Variants in BCL9 observed in about 807,000 individuals in gnomAD.
BCL9 encodes B-cell CLL/lymphoma 9 protein.
Under a neutral mutation model 88.5 loss-of-function variants are expected in BCL9, and 25 were observed. The observed-to-expected ratio is 0.28, with a 90% confidence interval of 0.21 to 0.39. BCL9 has a LOEUF of 0.39. BCL9 is among the 10% of genes least tolerant of loss of function. The probability of loss-of-function intolerance (pLI) is 1.00; values close to 1 mark genes in which losing one functional copy is unlikely to be tolerated. For missense variants in BCL9, 1,817 were observed against 1,877.8 expected, an observed-to-expected ratio of 0.97 and a Z score of 0.60; for synonymous variants, 711 against 673.3, an observed-to-expected ratio of 1.06 and a Z score of -0.87.
chr1:147,612,861 CT>C (rs1406565950), intron 4 of BCL9, 21 bp from the exon 5 acceptor site: 2 of 1,610,756 alleles, frequency 1.2e-6, no homozygotes, highest in African/African-American at 1.3e-5. Flanking sequence ...TCTGATCTTC[CT>C]TTGTTATTTG....
intron 1 of BCL9, among the ~76,000 whole-genome samples, chr1:147,572,370 C>T (rs1439749092): frequency 6.6e-6 from 1 of 152,246 alleles, no homozygotes; most frequent in Non-Finnish European, 1.5e-5. Flanking sequence ...AGGCATGGAG[C>T]AGGCTTTCTC....
chr1:147,549,307 C>T (rs1217504569), intron 1 of BCL9, among the ~76,000 whole-genome samples: 4 of 152,108 alleles, frequency 2.6e-5, no homozygotes, highest in Non-Finnish European at 5.9e-5. Context: ...AGCTTTTTCC[C>T]CCTAAAGCTT....
intron 1 of BCL9, among the ~76,000 whole-genome samples, chr1:147,544,989 T>G (rs1553194110): frequency 2.0e-5 from 3 of 152,174 alleles, no homozygotes; most frequent in African/African-American, 7.2e-5. Flanking sequence ...CTCAGTGGAG[T>G]GTTGTCTTCA....
At chr1:147,600,515 G>T (rs1017426311) in intron 1 of BCL9, among the ~76,000 whole-genome samples, 6 of 151,000 alleles carry the variant, frequency 4.0e-5, no homozygotes, top group Non-Finnish European at 8.9e-5. Flanking sequence ...AGTGAGGCGA[G>T]TCTGGAGGAA....
intron 1 of BCL9, among the ~76,000 whole-genome samples, chr1:147,553,960 A>T (rs1464067162): frequency 6.6e-6 from 1 of 152,172 alleles, no homozygotes. Flanking sequence ...GCTCATACTC[A>T]CTGATGGGCT....
In BCL9 at chr1:147,615,462, C is replaced by T. The variant is rs587739610; in HGVS notation, c.561-341C>T. Reference sequence around the variant, plus strand: ...CCTTAAACTATCACTAGGTATTGTACGATCTCATCTTCCCCCTTCTTGGGT... The same window carrying T: ...CCTTAAACTATCACTAGGTATTGTATGATCTCATCTTCCCCCTTCTTGGGT... On this transcript the variant is annotated intron_variant, in intron 6 of 9. Transcript: ENST00000234739. 3.3e-5 allele frequency among the ~76,000 whole-genome samples: 5 copies of T among 152,258 alleles called. No individual in the cohort carries two copies. In the South Asian group the frequency reaches 8.3e-4, roughly 25 times the overall value.
intron 3 of BCL9, among the ~76,000 whole-genome samples, chr1:147,607,998 A>G (rs1570898028): frequency 6.6e-6 from 1 of 152,136 alleles, no homozygotes; most frequent in South Asian, 2.1e-4. Context: ...GAGATCAGGT[A>G]AAAAAGGGAC....
chr1:147,592,966 G>T (rs1656908931), intron 1 of BCL9, among the ~76,000 whole-genome samples: 1 of 152,180 alleles, frequency 6.6e-6, no homozygotes, highest in African/African-American at 2.4e-5. Context: ...AAATCAGGTG[G>T]TTTCCACCCT....
chr1:147,576,307 G>C (rs1472345), intron 1 of BCL9, among the ~76,000 whole-genome samples: 14,553 of 151,936 alleles, frequency 0.096, 761 homozygotes, highest in East Asian at 0.22. Context: ...CTCATCTCCC[G>C]GCCACTCTAG....
rs782709525 is a variant in BCL9, at chr1:147,618,959, C to A, written c.804C>A (p.Ala268=). ...TTCCGGCACCAGCACCCAAGCCTGC[C>A]GCACCCCCACGTCCCCTGGACCGGG... ...PPIPAPAPKP[A]APPRPLDRES... The change falls in exon 8 of 10, where the codon GCC becomes GCA. Residue 268 remains alanine (A), a synonymous_variant. Transcript: ENST00000234739. 1 of 1,613,848 alleles carries A rather than the reference C, an allele frequency of 6.2e-7. No individual in the cohort carries two copies. The highest frequency in any genetic ancestry group is 1.1e-5 in the South Asian group (1 of 91,060).
chr1:147,549,770 A>G (rs587710872), intron 1 of BCL9, among the ~76,000 whole-genome samples: 102 of 152,336 alleles, frequency 6.7e-4, no homozygotes, highest in African/African-American at 2.3e-3. Context: ...TTAGGTGCTG[A>G]GGCAGCTCTG....
At chr1:147,592,414 A>C (rs1267266779) in intron 1 of BCL9, among the ~76,000 whole-genome samples, 2 of 152,176 alleles carry the variant, frequency 1.3e-5, no homozygotes, top group Non-Finnish European at 2.9e-5. Context: ...TCCAAGCTTC[A>C]AAATTAGCCT....
intron 1 of BCL9, among the ~76,000 whole-genome samples, chr1:147,542,846 C>T (rs183857333): frequency 6.6e-5 from 10 of 152,238 alleles, no homozygotes; most frequent in African/African-American, 2.2e-4. Context: ...TTATTCAAGA[C>T]CTTGTGTTTT....
chr1:147,584,946 T>C (rs1553199002), intron 1 of BCL9, among the ~76,000 whole-genome samples: 1 of 152,088 alleles, frequency 6.6e-6, no homozygotes, highest in East Asian at 1.9e-4. Context: ...TCTGGCCAAA[T>C]AGCATCAACC....
chr1:147,612,200 A>G (rs1658041988), intron 4 of BCL9, among the ~76,000 whole-genome samples: 2 of 152,204 alleles, frequency 1.3e-5, no homozygotes, highest in Admixed American at 1.3e-4. Flanking sequence ...TTTGCAAACA[A>G]GGAAACTGAG....
chr1:147,625,094 AG>A lies in BCL9; in HGVS notation c.*141del, dbSNP rs587617863. Reference sequence around the variant, plus strand: ...AGAGACCCGAGGGCTGCTTTGGGGGAGGGGGGAACTCGAGAATGTATGGATT... The same window carrying A: ...AGAGACCCGAGGGCTGCTTTGGGGGAGGGGGAACTCGAGAATGTATGGATT... On this transcript the variant is annotated 3_prime_UTR_variant, in exon 10 of 10. Transcript: ENST00000234739. 510 of 1,081,006 alleles carry A rather than the reference AG, an allele frequency of 4.7e-4. 3 individuals carry two copies. In the African/African-American group the frequency reaches 5.9e-3, roughly 13 times the overall value. The allele number at this position is 1,081,006 out of a possible 1,614,324, so 67.0% of individuals were successfully genotyped here.
In BCL9 at chr1:147,620,651, C is replaced by T. The variant is rs146458489; in HGVS notation, c.2496C>T (p.Asn832=). The T allele has an allele frequency of 3.2e-5, 52 of 1,614,052 alleles. No homozygotes were observed. The African/African-American group carries it at 5.6e-4, about 17-fold the overall frequency. The change falls in exon 8 of 10, where the codon AAC becomes AAT. Residue 832 remains asparagine (N), a synonymous_variant. Transcript: ENST00000234739. ...LNPSSNPTSL[N]TAPPVQRGLG... ...CTTCCAGTAACCCCACCAGCCTCAA[C>T]ACAGCTCCTCCAGTTCAGCGCGGCC... is the stretch of plus-strand genomic sequence containing the variant.
chr1:147,601,364 A>C (rs782598892), intron 1 of BCL9, among the ~76,000 whole-genome samples: 2 of 152,152 alleles, frequency 1.3e-5, no homozygotes, highest in Non-Finnish European at 2.9e-5. Context: ...TTCAGTGGGG[A>C]AATGATTTTC....
At chr1:147,568,058 G>A (rs1557828757) in intron 1 of BCL9, among the ~76,000 whole-genome samples, 1 of 152,136 alleles carries the variant, frequency 6.6e-6, no homozygotes, top group African/African-American at 2.4e-5. Flanking sequence ...TCTTATGGAA[G>A]CCCTTGCATA....
Sources: gnomAD v4.1 joint callset for allele counts (sites outside exome capture counted in the v4.1 genomes callset) on GRCh38, gnomAD v4.1.1 for gene constraint, MANE v1.5 for transcripts, NCBI Gene and HGNC (gene_info 2026-07-23, HGNC 2026-07-21) for gene names.